AKR1C8: variants seen among roughly 807,000 people sequenced by gnomAD.
AKR1C8 encodes aldo-keto reductase family 1 member C-like protein 1.
the AKR1C8 span, among the ~76,000 whole-genome samples, chr10:5,137,534 C>T: frequency 0.032 from 4,808 of 152,022 alleles, 257 homozygotes; most frequent in African/African-American, 0.11. Context: ...AAAAGGCCTT[C>T]GACAAAATTC....
chr10:5,157,514 T>C, the AKR1C8 span: 1 of 317,918 alleles, frequency 3.1e-6, no homozygotes, highest in Non-Finnish European at 6.4e-6. Context: ...ACTGCCCTCC[T>C]CCCTTAGCAC....
chr10:5,183,819 A>G, the AKR1C8 span, among the ~76,000 whole-genome samples: 5 of 152,292 alleles, frequency 3.3e-5, no homozygotes, highest in East Asian at 1.9e-4. Flanking sequence ...TCACTCAGAT[A>G]AAAAAACAAG....
chr10:5,118,554 CT>C, the AKR1C8 span, among the ~76,000 whole-genome samples: 1 of 152,128 alleles, frequency 6.6e-6, no homozygotes, highest in Admixed American at 6.6e-5. Flanking sequence ...AAAATGGATT[CT>C]GGTTCCTATG....
chr10:5,174,089 C>A, the AKR1C8 span, among the ~76,000 whole-genome samples: 1,257 of 151,982 alleles, frequency 8.3e-3, 14 homozygotes, highest in African/African-American at 0.029. Context: ...CTCTCAAAAT[C>A]TATTTTTGTC....
At chr10:5,130,176 G>T in the AKR1C8 span, among the ~76,000 whole-genome samples, 7 of 151,632 alleles carry the variant, frequency 4.6e-5, no homozygotes, top group African/African-American at 1.7e-4. Flanking sequence ...AAACCATATG[G>T]TTATCTCAAT....
the AKR1C8 span, among the ~76,000 whole-genome samples, chr10:5,174,281 TA>T: frequency 0.096 from 13,926 of 145,628 alleles, 783 homozygotes; most frequent in African/African-American, 0.15. Flanking sequence ...GTGATGTCTA[TA>T]AAAAAAAAAA....
chr10:5,133,109 G>T, the AKR1C8 span, among the ~76,000 whole-genome samples: 1 of 151,992 alleles, frequency 6.6e-6, no homozygotes, highest in African/African-American at 2.4e-5. Context: ...TTGAGACAGA[G>T]TCTCACTCTG....
the AKR1C8 span, chr10:5,157,733 C>G: frequency 0.52 from 245,085 of 472,110 alleles, 67,489 homozygotes; most frequent in Non-Finnish European, 0.6. Context: ...CCTGGGCTTC[C>G]ACTGTGTTTC....
the AKR1C8 span, among the ~76,000 whole-genome samples, chr10:5,183,570 C>G: frequency 6.6e-6 from 1 of 152,146 alleles, no homozygotes; most frequent in Non-Finnish European, 1.5e-5. Context: ...ATTAAACCAA[C>G]CCCAGGAAGA....
chr10:5,143,508 A>G, the AKR1C8 span, among the ~76,000 whole-genome samples: 1 of 152,232 alleles, frequency 6.6e-6, no homozygotes, highest in African/African-American at 2.4e-5. Flanking sequence ...TCATGGTTCT[A>G]CAGCTTTTGA....
At chr10:5,128,787 A>G in the AKR1C8 span, among the ~76,000 whole-genome samples, 1 of 152,144 alleles carries the variant, frequency 6.6e-6, no homozygotes, top group African/African-American at 2.4e-5. Context: ...CCAGATTTAT[A>G]AAACTATTAC....
the AKR1C8 span, among the ~76,000 whole-genome samples, chr10:5,146,771 C>T: frequency 2.6e-3 from 393 of 152,196 alleles, 3 homozygotes; most frequent in African/African-American, 9.1e-3. Flanking sequence ...GCTTTTATTG[C>T]ATTTGCTTTT....
the AKR1C8 span, among the ~76,000 whole-genome samples, chr10:5,134,295 A>C: frequency 6.6e-6 from 1 of 152,160 alleles, no homozygotes; most frequent in African/African-American, 2.4e-5. Flanking sequence ...GCTAGTGTTG[A>C]TGGTCTTCAA....
the AKR1C8 span, among the ~76,000 whole-genome samples, chr10:5,145,954 T>C: frequency 6.6e-6 from 1 of 151,888 alleles, no homozygotes; most frequent in Non-Finnish European, 1.5e-5. Context: ...AACCCAAATG[T>C]CCAACAATGA....
chr10:5,120,590 G>C, the AKR1C8 span, among the ~76,000 whole-genome samples: 4 of 152,100 alleles, frequency 2.6e-5, no homozygotes, highest in African/African-American at 9.6e-5. Flanking sequence ...TATTGAATAG[G>C]GTCACAGAGA....
the AKR1C8 span, among the ~76,000 whole-genome samples, chr10:5,138,267 G>A: frequency 2.5e-4 from 38 of 152,080 alleles, no homozygotes; most frequent in South Asian, 4.4e-3. Context: ...CAGAGCGGCC[G>A]TTTATAGACC....
the AKR1C8 span, chr10:5,123,939 G>C: frequency 9.4e-7 from 1 of 1,067,824 alleles, no homozygotes; most frequent in Non-Finnish European, 1.3e-6. Context: ...AATTTGAACT[G>C]ACAATATTAC....
At chr10:5,175,100 T>C in the AKR1C8 span, among the ~76,000 whole-genome samples, 1 of 150,818 alleles carries the variant, frequency 6.6e-6, no homozygotes, top group East Asian at 2.0e-4. Context: ...GTATATCTCC[T>C]AATGCTATCC....
At chr10:5,167,493 A>G in the AKR1C8 span, among the ~76,000 whole-genome samples, 1 of 152,236 alleles carries the variant, frequency 6.6e-6, no homozygotes, top group Admixed American at 6.5e-5. Context: ...AGGGACATGG[A>G]TGAAGCTGGA....
Sources: gnomAD v4.1 joint callset for allele counts (sites outside exome capture counted in the v4.1 genomes callset) on GRCh38, gnomAD v4.1.1 for gene constraint, MANE v1.5 for transcripts, NCBI Gene and HGNC (gene_info 2026-07-23, HGNC 2026-07-21) for gene names.